EAF2: variants seen among roughly 807,000 people sequenced by gnomAD.
The protein encoded by EAF2 is ELL associated factor 2.
A neutral mutation model predicts 29.4 loss-of-function variants in EAF2; 29 were observed. The ratio of observed to expected loss-of-function variants is 0.99; its 90% CI spans 0.73 to 1.35. The LOEUF is 1.35. Ranked by LOEUF, EAF2 falls within the 40% of genes most tolerant of loss-of-function variation. The probability of loss-of-function intolerance (pLI) is 0.00; values close to 1 mark genes in which losing one functional copy is unlikely to be tolerated. For synonymous variants in EAF2, 103 were observed against 102.5 expected (o/e 1.00, Z -0.03); for missense variants, 292 against 312.0 (o/e 0.94, Z 0.48).
Position 121,872,524 on chromosome 3 carries a change from G to A in EAF2, c.485-13G>A, listed in dbSNP as rs757400132. ...TTATTTAACCTATCTATTCATTTCTGTCTTATTTTCAGAACTGAAGGCAGA... is the reference window on the plus strand; with the variant it reads ...TTATTTAACCTATCTATTCATTTCTATCTTATTTTCAGAACTGAAGGCAGA... On this transcript the variant is annotated splice_polypyrimidine_tract_variant and intron_variant, in intron 4 of 5. Transcript: ENST00000273668. 7.6e-6 allele frequency: 12 copies of A among 1,569,706 alleles called. No individual in the cohort carries two copies. In the Admixed American group the frequency reaches 8.8e-5, roughly 12 times the overall value.
intron 5 of EAF2, chr3:121,873,301 T>A: frequency 2.3e-6 from 1 of 426,848 alleles, no homozygotes; most frequent in Non-Finnish European, 4.1e-6. Flanking sequence ...TACCTCTTAG[T>A]GAAGGTAGCA....
At chr3:121,852,616 C>T (rs1015272012) in intron 2 of EAF2, among the ~76,000 whole-genome samples, 10 of 152,158 alleles carry the variant, frequency 6.6e-5, no homozygotes, top group African/African-American at 2.4e-4. Context: ...AATCTCTAAC[C>T]TACCCATCTT....
chr3:121,835,494 T>A, intron 1 of EAF2, 103 bp downstream of exon 1: 1 of 1,024,236 alleles, frequency 9.8e-7, no homozygotes, highest in South Asian at 1.4e-5. Flanking sequence ...CTTACACTGT[T>A]GGAGACTACG....
chr3:121,880,149 G>GTTTT (rs1709168701), intron 5 of EAF2, among the ~76,000 whole-genome samples: 6 of 151,490 alleles, frequency 4.0e-5, no homozygotes, highest in Admixed American at 4.0e-4. Flanking sequence ...GTTTTGTTTT[G>GTTTT]TTTTTTAATT....
At chr3:121,863,696 G>A (rs1022450883) in intron 4 of EAF2, among the ~76,000 whole-genome samples, 1 of 152,064 alleles carries the variant, frequency 6.6e-6, no homozygotes, top group African/African-American at 2.4e-5. Flanking sequence ...TCTGTGGGCT[G>A]CACCCACTGT....
intron 4 of EAF2, among the ~76,000 whole-genome samples, chr3:121,859,621 G>A (rs1480099450): frequency 6.6e-6 from 1 of 152,162 alleles, no homozygotes; most frequent in Non-Finnish European, 1.5e-5. Flanking sequence ...TGCAAACAGG[G>A]ACAATTTGAC....
rs775341123 is a variant in EAF2, at chr3:121,835,318, C to T, written c.33C>T (p.Asp11=). Reference sequence around the variant, plus strand: ...GCGCAGCGGGATTCTCACACCTAGACCGTCGCGAGCGGGTTCTCAAGTTAG... The same window carrying T: ...GCGCAGCGGGATTCTCACACCTAGATCGTCGCGAGCGGGTTCTCAAGTTAG... MNSAAGFSHL[D]RRERVLKLGE... Residue 11 remains aspartate, a synonymous_variant, in exon 1 of 6, where the codon GAC becomes GAT. Transcript: ENST00000273668. The T allele has an allele frequency of 1.7e-5, 27 of 1,614,226 alleles. No individual in the cohort carries two copies. Among genetic ancestry groups the T allele is most frequent in the Non-Finnish European group, 2.3e-5 (27 of 1,180,042 alleles).
intron 5 of EAF2, among the ~76,000 whole-genome samples, chr3:121,874,066 A>G (rs1326157303): frequency 6.6e-6 from 1 of 151,908 alleles, no homozygotes; most frequent in African/African-American, 2.4e-5. Context: ...CACTTAGCAC[A>G]TGGTACTTGA....
At chr3:121,853,842 G>A (rs1427371743) in intron 2 of EAF2, among the ~76,000 whole-genome samples, 1 of 152,118 alleles carries the variant, frequency 6.6e-6, no homozygotes, top group African/African-American at 2.4e-5. Flanking sequence ...GTATTTTATG[G>A]ATGGCGCAGT....
intron 5 of EAF2, among the ~76,000 whole-genome samples, chr3:121,883,719 T>G (rs776339470): frequency 7.9e-5 from 12 of 152,200 alleles, no homozygotes; most frequent in Non-Finnish European, 8.8e-5. Context: ...TATCATCCCC[T>G]GGGGGGCAGT....
At chr3:121,856,442 G>A (rs923062320) in intron 3 of EAF2, among the ~76,000 whole-genome samples, 7 of 151,490 alleles carry the variant, frequency 4.6e-5, no homozygotes, top group African/African-American at 1.7e-4. Context: ...GCCTCCGAAA[G>A]TGCTGGGATT....
At chr3:121,841,504 CAAAAAAAAAAAAAAAAAAAAA>C (rs57868658) in intron 1 of EAF2, among the ~76,000 whole-genome samples, 24 of 26,022 alleles carry the variant, frequency 9.2e-4, no homozygotes, top group African/African-American at 1.9e-3. Context: ...GACCCTGTCT[CAAAAAAAAAAAAAAAAAAAAA>C]AAAAAAAAAA....
At chr3:121,852,995 A>G (rs1708658378) in intron 2 of EAF2, among the ~76,000 whole-genome samples, 1 of 152,182 alleles carries the variant, frequency 6.6e-6, no homozygotes, top group Admixed American at 6.5e-5. Context: ...GTAATGATCT[A>G]GGTTTCTTTT....
At chr3:121,847,339 T>C (rs1180865226) in intron 2 of EAF2, among the ~76,000 whole-genome samples, 3 of 152,150 alleles carry the variant, frequency 2.0e-5, no homozygotes, top group Non-Finnish European at 2.9e-5. Context: ...GTTTTGAAGA[T>C]GAGTTAAAGT....
chr3:121,854,782 G>A lies in EAF2; in HGVS notation c.297G>A (p.Arg99=), dbSNP rs1261479804. The change falls in exon 3 of 6, where the codon CGG becomes CGA. Residue 99 remains arginine, a synonymous_variant. Coordinates refer to ENST00000273668, the MANE Select transcript of EAF2 (RefSeq NM_018456.6). ...TTAACCATGATACTGGAGAATGTCG[G>A]CTAGAAAAACTCAGCAGCAACATCA... ...LIINHDTGEC[R]LEKLSSNITV... is the part of the protein sequence containing the mutation. The A allele has an allele frequency of 2.5e-6, 4 of 1,572,268 alleles. No homozygotes were observed. The highest frequency in any genetic ancestry group is 3.4e-6 in the Non-Finnish European group (4 of 1,169,032).
chr3:121,878,268 T>A (rs1051841883), intron 5 of EAF2, among the ~76,000 whole-genome samples: 14 of 152,050 alleles, frequency 9.2e-5, no homozygotes, highest in African/African-American at 2.4e-4. Context: ...AACTATATTT[T>A]AAAAAATTAT....
chr3:121,849,502 T>G (rs1242520501), intron 2 of EAF2, among the ~76,000 whole-genome samples: 1 of 152,216 alleles, frequency 6.6e-6, no homozygotes, highest in Non-Finnish European at 1.5e-5. Flanking sequence ...GATTGGCATA[T>G]TTTTGGCATT....
chr3:121,846,293 G>A (rs1576639014), intron 2 of EAF2, among the ~76,000 whole-genome samples: 1 of 152,122 alleles, frequency 6.6e-6, no homozygotes, highest in Admixed American at 6.5e-5. Flanking sequence ...AATTAAATTT[G>A]TATGGGCTTT....
intron 4 of EAF2, among the ~76,000 whole-genome samples, chr3:121,864,564 C>A (rs1433937759): frequency 6.6e-6 from 1 of 151,954 alleles, no homozygotes; most frequent in Non-Finnish European, 1.5e-5. Context: ...ACCTATAATC[C>A]CAGTACTTTG....
Sources: allele counts gnomAD v4.1 joint callset (sites outside exome capture counted in the v4.1 genomes callset), GRCh38; gene constraint gnomAD v4.1.1; transcripts MANE v1.5; gene names NCBI Gene and HGNC (gene_info 2026-07-23, HGNC 2026-07-21).